Variants in PTPN11 observed in about 807,000 individuals in gnomAD.
The protein encoded by PTPN11 is protein tyrosine phosphatase non-receptor type 11.
A neutral mutation model predicts 78.8 loss-of-function variants in PTPN11; 6 were observed. The ratio of observed to expected loss-of-function variants is 0.08; its 90% CI spans 0.04 to 0.15. The LOEUF is 0.15. Ranked by LOEUF, PTPN11 falls within the 10% of genes least tolerant of loss-of-function variation. The probability of loss-of-function intolerance (pLI) is 1.00; values close to 1 mark genes in which losing one functional copy is unlikely to be tolerated. For synonymous variants in PTPN11, 221 were observed against 263.5 expected (o/e 0.84, Z 1.56); for missense variants, 386 against 744.8 (o/e 0.52, Z 5.61).
At chr12:112,488,114 T>C (rs2038702862) in intron 11 of PTPN11, among the ~76,000 whole-genome samples, 1 of 152,060 alleles carries the variant, frequency 6.6e-6, no homozygotes, top group African/African-American at 2.4e-5. Context: ...TATTTTTTTG[T>C]ATATGATTCC....
Position 112,465,238 on chromosome 12 carries a change from C to T in PTPN11, c.757-7706C>T, listed in dbSNP as rs1479492889. Among the ~76,000 whole-genome samples, 3 of 152,086 alleles carry T rather than the reference C, an allele frequency of 2.0e-5. 1 individual carries two copies. The East Asian group carries it at 5.8e-4, about 29-fold the overall frequency. ...CCTGAGGTTAGGAGTTCAAGACCAG[C>T]CTGGCCAACATGGTGAAACCCTGTT... On this transcript the variant is annotated intron_variant, in intron 6 of 15. Coordinates refer to ENST00000351677, the MANE Select transcript of PTPN11 (RefSeq NM_002834.5).
intron 6 of PTPN11, among the ~76,000 whole-genome samples, chr12:112,467,482 C>T (rs2038348924): frequency 6.6e-6 from 1 of 151,982 alleles, no homozygotes; most frequent in East Asian, 1.9e-4. Context: ...GGGGTGGGAG[C>T]CACGCTCTTT....
intron 13 of PTPN11, among the ~76,000 whole-genome samples, chr12:112,500,296 A>G (rs2038859928): frequency 6.6e-6 from 1 of 152,168 alleles, no homozygotes; most frequent in Non-Finnish European, 1.5e-5. Flanking sequence ...TCCATTTAAT[A>G]TTTAATTTTG....
chr12:112,492,189 A>C (rs528240561), intron 13 of PTPN11, among the ~76,000 whole-genome samples: 1 of 152,154 alleles, frequency 6.6e-6, no homozygotes. Context: ...GGACTGTCAC[A>C]GAAATGTTGT....
chr12:112,454,750 A>ATTCTG, intron 5 of PTPN11, 70 bp downstream of exon 5: 1 of 1,130,110 alleles, frequency 8.8e-7, no homozygotes, highest in Non-Finnish European at 1.3e-6. Flanking sequence ...GAATTTTGCA[A>ATTCTG]ACATACAGAG....
At chr12:112,462,166 G>A (rs1436776956) in intron 6 of PTPN11, among the ~76,000 whole-genome samples, 3 of 152,078 alleles carry the variant, frequency 2.0e-5, no homozygotes, top group African/African-American at 2.4e-5. Context: ...GAGACCAGCC[G>A]GGGCAATATA....
intron 7 of PTPN11, among the ~76,000 whole-genome samples, chr12:112,475,683 G>A (rs1566179935): frequency 6.6e-6 from 1 of 152,236 alleles, no homozygotes; most frequent in African/African-American, 2.4e-5. Context: ...TTGCTCTCAT[G>A]TCTTATCAGG....
intron 1 of PTPN11, among the ~76,000 whole-genome samples, chr12:112,439,781 T>C (rs1226553345): frequency 6.6e-6 from 1 of 150,394 alleles, no homozygotes; most frequent in East Asian, 1.9e-4. Context: ...GATTGTCCTT[T>C]TTTAAAAAAA....
At chr12:112,455,207 A>C (rs1016256555) in intron 5 of PTPN11, among the ~76,000 whole-genome samples, 1 of 141,006 alleles carries the variant, frequency 7.1e-6, no homozygotes, top group Non-Finnish European at 1.6e-5. Flanking sequence ...TCCCATATTT[A>C]TCTGTAAAAG....
chr12:112,481,681 C>T (rs184912150), intron 9 of PTPN11, among the ~76,000 whole-genome samples: 1 of 152,282 alleles, frequency 6.6e-6, no homozygotes, highest in Non-Finnish European at 1.5e-5. Context: ...TTAGTAGAGA[C>T]ACGGTTTCAC....
chr12:112,423,821 A>T (rs2037562274), intron 1 of PTPN11, among the ~76,000 whole-genome samples: 2 of 137,450 alleles, frequency 1.5e-5, no homozygotes, highest in South Asian at 4.4e-4. Flanking sequence ...ATCTTGGCTC[A>T]CTGCAGCCTC....
intron 6 of PTPN11, among the ~76,000 whole-genome samples, chr12:112,459,540 C>T (rs972816702): frequency 2.0e-5 from 3 of 151,704 alleles, no homozygotes; most frequent in Non-Finnish European, 4.4e-5. Flanking sequence ...GATCTTGGCT[C>T]ACTACAACCT....
At chr12:112,461,007 C>G (rs1020336392) in intron 6 of PTPN11, among the ~76,000 whole-genome samples, 1 of 152,058 alleles carries the variant, frequency 6.6e-6, no homozygotes, top group Non-Finnish European at 1.5e-5. Flanking sequence ...CTGAGTGCCT[C>G]TCTGTGGTGG....
intron 13 of PTPN11, among the ~76,000 whole-genome samples, chr12:112,495,002 A>G (rs1268710779): frequency 6.6e-6 from 1 of 152,194 alleles, no homozygotes; most frequent in Non-Finnish European, 1.5e-5. Context: ...GATATGTTAA[A>G]TGCATTTTCG....
intron 6 of PTPN11, among the ~76,000 whole-genome samples, chr12:112,467,180 C>A (rs1042744473): frequency 2.0e-5 from 3 of 152,222 alleles, no homozygotes. Context: ...TGGGTACTCA[C>A]AGTCAGTAGT....
intron 8 of PTPN11, 55 bp downstream of exon 8, chr12:112,477,785 T>C: frequency 1.2e-6 from 2 of 1,606,768 alleles, no homozygotes; most frequent in South Asian, 2.2e-5. Context: ...CCTATTTTTG[T>C]ATTTTAAATC....
intron 6 of PTPN11, among the ~76,000 whole-genome samples, chr12:112,458,489 T>A (rs1433602056): frequency 6.6e-6 from 1 of 152,218 alleles, no homozygotes; most frequent in Admixed American, 6.6e-5. Flanking sequence ...GGATTACAGG[T>A]GTGAGCCACT....
chr12:112,454,737 A>G, intron 5 of PTPN11, 57 bp downstream of exon 5: 5 of 1,359,774 alleles, frequency 3.7e-6, no homozygotes, highest in Non-Finnish European at 5.2e-6. Context: ...AAATCCTAAT[A>G]GAGAATTTTG....
intron 12 of PTPN11, among the ~76,000 whole-genome samples, chr12:112,488,725 A>G (rs142396576): frequency 2.9e-4 from 44 of 152,198 alleles, no homozygotes; most frequent in Non-Finnish European, 4.4e-5. Context: ...ACCCACTGCC[A>G]TGGCCTTTTG....
Sources: allele counts gnomAD v4.1 joint callset (sites outside exome capture counted in the v4.1 genomes callset), GRCh38; gene constraint gnomAD v4.1.1; transcripts MANE v1.5; gene names NCBI Gene and HGNC (gene_info 2026-07-23, HGNC 2026-07-21).